POU2F1: variants seen among roughly 807,000 people sequenced by gnomAD.
POU2F1 encodes POU class 2 homeobox 1, also known as POU domain, class 2, transcription factor 1.
In POU2F1, 16 loss-of-function variants were observed where a neutral mutation model predicts 84.9. The ratio of observed to expected loss-of-function variants is 0.19; its 90% CI spans 0.13 to 0.29. POU2F1 has a LOEUF of 0.29. Among genes scored for constraint, POU2F1 ranks in the 10% least tolerant of loss-of-function variants. The pLI is 1.00. For synonymous variants in POU2F1, 368 were observed against 368.3 expected, an observed-to-expected ratio of 1.00 and a Z score of 0.01; for missense variants, 738 against 942.6, an observed-to-expected ratio of 0.78 and a Z score of 2.84.
chr1:167,251,726 T>G (rs1344037361), intron 1 of POU2F1, among the ~76,000 whole-genome samples: 3 of 152,218 alleles, frequency 2.0e-5, no homozygotes, highest in African/African-American at 7.2e-5. Context: ...CTTTACGTAT[T>G]AGGCTTTACA....
intron 3 of POU2F1, among the ~76,000 whole-genome samples, chr1:167,366,401 C>T (rs1018902799): frequency 3.9e-5 from 6 of 152,162 alleles, no homozygotes; most frequent in African/African-American, 1.4e-4. Context: ...GTACATAAGA[C>T]AGGTTACATA....
intron 1 of POU2F1, among the ~76,000 whole-genome samples, chr1:167,275,775 G>A (rs373301307): frequency 1.7e-3 from 257 of 152,286 alleles, no homozygotes; most frequent in African/African-American, 6.0e-3. Flanking sequence ...AGTGATACAT[G>A]GAAGACTGCT....
intron 1 of POU2F1, among the ~76,000 whole-genome samples, chr1:167,312,143 G>T (rs1018127013): frequency 3.3e-5 from 5 of 151,668 alleles, no homozygotes; most frequent in Non-Finnish European, 7.4e-5. Context: ...TCACCATTTT[G>T]GTCAGGCTGG....
rs1650327366 is a variant in POU2F1, at chr1:167,416,447, G to A, written c.*637G>A. Reference sequence around the variant, plus strand: ...GACATGTTTATTATCTCTTGCTCCTGGATCCTATTTCAGTGAGCTCCCACA... The same window carrying A: ...GACATGTTTATTATCTCTTGCTCCTAGATCCTATTTCAGTGAGCTCCCACA... On this transcript the variant is annotated 3_prime_UTR_variant, in exon 16 of 16. Coordinates refer to ENST00000367866, the MANE Select transcript of POU2F1 (RefSeq NM_002697.4). 1 of 165,344 alleles carries A rather than the reference G, an allele frequency of 6.0e-6. No homozygotes were observed. The allele number at this position is 165,344 out of a possible 1,614,324, so 10.2% of individuals were successfully genotyped here. A position where few individuals can be genotyped will look rare whatever the true frequency, so the allele number is the denominator to read the frequency against.
chr1:167,309,397 G>A (rs1655303569), intron 1 of POU2F1, among the ~76,000 whole-genome samples: 1 of 151,780 alleles, frequency 6.6e-6, no homozygotes, highest in Non-Finnish European at 1.5e-5. Flanking sequence ...TAAGGTTTTA[G>A]TTCCTTTCCC....
At chr1:167,314,715 A>G (rs1245626146) in intron 1 of POU2F1, among the ~76,000 whole-genome samples, 1 of 152,146 alleles carries the variant, frequency 6.6e-6, no homozygotes, top group South Asian at 2.1e-4. Flanking sequence ...TTGAGGCTGT[A>G]GTGAGCTGTG....
chr1:167,300,269 C>T (rs1032005865), intron 1 of POU2F1, among the ~76,000 whole-genome samples: 5 of 152,022 alleles, frequency 3.3e-5, no homozygotes, highest in African/African-American at 4.8e-5. Context: ...GACTCCAAAA[C>T]GGTCAGGAGG....
intron 1 of POU2F1, among the ~76,000 whole-genome samples, chr1:167,281,041 G>A (rs1449459090): frequency 6.6e-6 from 1 of 152,126 alleles, no homozygotes; most frequent in East Asian, 1.9e-4. Flanking sequence ...TAAATGCTAA[G>A]TATCTTACAA....
At chr1:167,309,985 A>G (rs947105852) in intron 1 of POU2F1, among the ~76,000 whole-genome samples, 2 of 152,160 alleles carry the variant, frequency 1.3e-5, no homozygotes, top group Non-Finnish European at 2.9e-5. Context: ...AATTCTTTTC[A>G]TAGAACATTA....
At chr1:167,287,391 C>T (rs1313333248) in intron 1 of POU2F1, among the ~76,000 whole-genome samples, 1 of 152,188 alleles carries the variant, frequency 6.6e-6, no homozygotes, top group Non-Finnish European at 1.5e-5. Flanking sequence ...ACAAGCTTCT[C>T]ATATTCCTCC....
chr1:167,393,164 A>G (rs991688105), intron 9 of POU2F1, among the ~76,000 whole-genome samples: 1 of 152,188 alleles, frequency 6.6e-6, no homozygotes. Context: ...GATATAATAT[A>G]GTTAAGATTA....
intron 1 of POU2F1, among the ~76,000 whole-genome samples, chr1:167,281,456 A>G (rs953429960): frequency 1.1e-4 from 17 of 152,250 alleles, no homozygotes; most frequent in Admixed American, 9.8e-4. Context: ...CGGTTTGCCA[A>G]TCGGGCAGGC....
chr1:167,354,603 TA>T (rs966513672), intron 2 of POU2F1, among the ~76,000 whole-genome samples: 1 of 152,186 alleles, frequency 6.6e-6, no homozygotes, highest in African/African-American at 2.4e-5. Flanking sequence ...TTAATAGTGT[TA>T]TTGCTGAACT....
rs763586453 is a variant in POU2F1, at chr1:167,374,314, A to G, written c.591+18A>G. 4.5e-6 allele frequency: 7 copies of G among 1,547,362 alleles called. No individual in the cohort carries two copies. Among genetic ancestry groups the G allele is most frequent in the Non-Finnish European group, 6.1e-6 (7 of 1,147,692 alleles). On this transcript the variant is annotated intron_variant, in intron 6 of 15. Transcript: ENST00000367866. ...TCGCACAGGTGAGTGAGGAACTCCA[A>G]TAGCTGGGGCAGCAAGTGAGGAATA...
intron 1 of POU2F1, among the ~76,000 whole-genome samples, chr1:167,227,015 C>T (rs973795661): frequency 2.0e-5 from 3 of 151,924 alleles, no homozygotes; most frequent in African/African-American, 7.3e-5. Context: ...TCTAAAACTC[C>T]TGGGCTTAAG....
chr1:167,349,430 T>C (rs934341502), intron 2 of POU2F1, among the ~76,000 whole-genome samples: 4 of 152,210 alleles, frequency 2.6e-5, no homozygotes, highest in African/African-American at 9.6e-5. Flanking sequence ...ATAGCATTTA[T>C]TTGTATCTGA....
At chr1:167,371,750 A>T (rs1439189984) in intron 4 of POU2F1, among the ~76,000 whole-genome samples, 167 bp from the exon 5 acceptor site, 2 of 152,228 alleles carry the variant, frequency 1.3e-5, no homozygotes, top group African/African-American at 2.4e-5. Flanking sequence ...CAAGTTTAAA[A>T]ACTTGGTATG....
At chr1:167,359,362 T>G (rs1373350848) in intron 2 of POU2F1, among the ~76,000 whole-genome samples, 1 of 152,150 alleles carries the variant, frequency 6.6e-6, no homozygotes, top group Non-Finnish European at 1.5e-5. Flanking sequence ...CCCTTCCCCC[T>G]TTTGGAATCC....
chr1:167,417,094 AC>A lies in POU2F1; in HGVS notation c.*1285del, dbSNP rs1242239959. ...AGACTATTTTCCATTGATAATATAT[AC>A]AAAAGAGGTGTGATGAGAAGGGTAT... On this transcript the variant is annotated 3_prime_UTR_variant, in exon 16 of 16. Transcript: ENST00000367866. 6.6e-6 allele frequency: 1 copy of A among 152,240 alleles called. No homozygotes were observed. Among genetic ancestry groups the A allele is most frequent in the Non-Finnish European group, 1.5e-5 (1 of 68,046 alleles). 9.4% of individuals were successfully genotyped at this position (152,240 alleles called of 1,614,324 possible). A position where few individuals can be genotyped will look rare whatever the true frequency, so the allele number is the denominator to read the frequency against.
Sources: gnomAD v4.1 joint callset for allele counts (sites outside exome capture counted in the v4.1 genomes callset) on GRCh38, gnomAD v4.1.1 for gene constraint, MANE v1.5 for transcripts, NCBI Gene and HGNC (gene_info 2026-07-23, HGNC 2026-07-21) for gene names.